The following MYOM1 variants were observed in gnomAD, a reference collection of about 807,000 sequenced individuals.
MYOM1 encodes the protein myomesin 1, also known as myomesin-1.
MYOM1 carries 164 observed loss-of-function variants against 205.3 expected under a neutral mutation model. That is an observed-to-expected ratio of 0.80 (90% CI 0.70 to 0.91). The LOEUF is 0.91. Among genes scored for constraint, MYOM1 ranks in the 40% least tolerant of loss-of-function variants. MYOM1 has a pLI of 0.00. For missense variants in MYOM1, 2,011 were observed against 2,127.3 expected (o/e 0.95, Z 1.08); for synonymous variants, 772 against 789.4 (o/e 0.98, Z 0.37).
chr18:3,135,874 G>A lies in MYOM1; in HGVS notation c.2026-144C>T. On this transcript the variant is annotated intron_variant, in intron 14 of 37. Transcript: ENST00000356443. The surrounding 1 kb of genome is among the most constrained non-coding windows in gnomAD (Gnocchi z 4.1). The stretch of plus-strand genomic sequence containing the variant: ...TGGAGGAGAGATGAGGAGGAAATAG[G>A]GGATGAGGCATCTGAAGTTCGTAGG... 3 of 887,548 alleles carry A rather than the reference G, an allele frequency of 3.4e-6. No individual in the cohort carries two copies. Among genetic ancestry groups the A allele is most frequent in the Non-Finnish European group, 5.0e-6 (3 of 594,198 alleles). The allele number at this position is 887,548 out of a possible 1,614,324, so 55.0% of individuals were successfully genotyped here.
intron 36 of MYOM1, 136 bp downstream of exon 36, chr18:3,075,318 T>C: frequency 9.0e-6 from 7 of 777,984 alleles, no homozygotes; most frequent in East Asian, 5.0e-5. Context: ...TGAAAACATA[T>C]GTAGAACACC....
At chr18:3,240,643 G>T in the MYOM1 span, among the ~76,000 whole-genome samples, 1 of 152,178 alleles carries the variant, frequency 6.6e-6, no homozygotes, top group African/African-American at 2.4e-5. Context: ...ATAGCAAATT[G>T]GTACCAGTAG....
intron 19 of MYOM1, among the ~76,000 whole-genome samples, chr18:3,123,435 T>C (rs1335060356): frequency 4.6e-5 from 7 of 152,052 alleles, no homozygotes; most frequent in Non-Finnish European, 1.0e-4. Context: ...ACAAATGATA[T>C]ACAAACCTCT....
chr18:3,140,773 G>A (rs2080036310), intron 14 of MYOM1, among the ~76,000 whole-genome samples: 1 of 151,928 alleles, frequency 6.6e-6, no homozygotes. Flanking sequence ...AAGACCTTTA[G>A]GAAAATTAAC....
At chr18:3,131,328 T>G (rs761185552) in intron 17 of MYOM1, 47 bp downstream of exon 17, 8 of 1,603,268 alleles carry the variant, frequency 5.0e-6, no homozygotes, top group Non-Finnish European at 6.8e-6. Flanking sequence ...CTTTCTAACA[T>G]AGAAAAATCC....
chr18:3,169,085 AAC>A, intron 8 of MYOM1, 104 bp from the exon 9 acceptor site: 1 of 975,790 alleles, frequency 1.0e-6, no homozygotes, highest in Non-Finnish European at 1.5e-6. Context: ...AAAAAAAATG[AAC>A]AAATGAGCAA....
intron 25 of MYOM1, among the ~76,000 whole-genome samples, chr18:3,094,547 A>C (rs1433353751): frequency 6.6e-6 from 1 of 152,190 alleles, no homozygotes; most frequent in African/African-American, 2.4e-5. Flanking sequence ...TTTGAATCAT[A>C]GTTGTCTCAA....
At chr18:3,182,560 A>T (rs1360606947) in intron 5 of MYOM1, among the ~76,000 whole-genome samples, 3 of 152,230 alleles carry the variant, frequency 2.0e-5, no homozygotes, top group African/African-American at 7.2e-5. Context: ...CAAGAACCAG[A>T]AAGAACTAAG....
the MYOM1 span, among the ~76,000 whole-genome samples, chr18:3,232,484 T>A: frequency 6.6e-6 from 1 of 152,106 alleles, no homozygotes; most frequent in African/African-American, 2.4e-5. Flanking sequence ...GAGCAATGGG[T>A]CACAGTGGAG....
chr18:3,153,094 C>T (rs2143997873), intron 11 of MYOM1, among the ~76,000 whole-genome samples: 1 of 152,282 alleles, frequency 6.6e-6, no homozygotes. Context: ...AGAGATTCTG[C>T]CAGGACTCAG....
At chr18:3,197,461 C>T (rs1204050211) in intron 2 of MYOM1, among the ~76,000 whole-genome samples, 1 of 152,118 alleles carries the variant, frequency 6.6e-6, no homozygotes, top group East Asian at 1.9e-4. Context: ...TGGGAGCATA[C>T]TACCTATATA....
the MYOM1 span, among the ~76,000 whole-genome samples, chr18:3,227,010 C>T: frequency 7.2e-5 from 11 of 152,306 alleles, no homozygotes; most frequent in East Asian, 2.1e-3. Flanking sequence ...AGCCAGAAAG[C>T]TGCCTGCACG....
intron 9 of MYOM1, among the ~76,000 whole-genome samples, 166 bp downstream of exon 9, chr18:3,168,651 C>A: frequency 6.6e-6 from 1 of 152,208 alleles, no homozygotes; most frequent in African/African-American, 2.4e-5. Context: ...ATCATCTCCA[C>A]AAATATGAAA....
At chr18:3,127,282 CAT>C (rs1241920775) in intron 18 of MYOM1, among the ~76,000 whole-genome samples, 10,006 of 59,226 alleles carry the variant, frequency 0.17, 1,431 homozygotes, top group Non-Finnish European at 0.2. Flanking sequence ...TCAGAATTTC[CAT>C]ATATATATAT....
rs1598782178 is a variant in MYOM1 at position 3,218,241 on chromosome 18, T to A, written c.-29+1562A>T. ...TTTATAAAAGCTCCACCCCCAAGTGTTTTAATGCTGTAGAATTAGTTTTAA... is the reference window on the plus strand; with the variant it reads ...TTTATAAAAGCTCCACCCCCAAGTGATTTAATGCTGTAGAATTAGTTTTAA... On this transcript the variant is annotated intron_variant, in intron 1 of 37. Coordinates refer to ENST00000356443, the MANE Select transcript of MYOM1 (RefSeq NM_003803.4). Among the ~76,000 whole-genome samples the A allele has an allele frequency of 4.6e-5, 7 of 152,342 alleles. No homozygotes were observed. In the South Asian group the frequency reaches 1.5e-3, roughly 32 times the overall value.
At chr18:3,128,252 C>G (rs2079823429) in intron 18 of MYOM1, among the ~76,000 whole-genome samples, 1 of 152,122 alleles carries the variant, frequency 6.6e-6, no homozygotes, top group Admixed American at 6.5e-5. Context: ...AATATGTGCT[C>G]TCAAATGAAT....
At chr18:3,145,034 G>A (rs1362702625) in intron 13 of MYOM1, among the ~76,000 whole-genome samples, 6 of 152,040 alleles carry the variant, frequency 3.9e-5, no homozygotes, top group African/African-American at 7.2e-5. Context: ...TTTTGGCTGG[G>A]TGTGTGGCTA....
intron 37 of MYOM1, among the ~76,000 whole-genome samples, chr18:3,070,769 T>C (rs1420310452): frequency 2.8e-5 from 4 of 143,472 alleles, no homozygotes; most frequent in East Asian, 4.1e-4. Flanking sequence ...TGTGTGTGTG[T>C]GTGTGCACGT....
At chr18:3,228,849 C>T in the MYOM1 span, among the ~76,000 whole-genome samples, 7,516 of 152,226 alleles carry the variant, frequency 0.049, 427 homozygotes, top group African/African-American at 0.14. The surrounding 1 kb of genome is among the most constrained non-coding windows in gnomAD (Gnocchi z 4.5). Context: ...TGGAATCCTA[C>T]CATATGTAGT....
Sources: allele counts gnomAD v4.1 joint callset (sites outside exome capture counted in the v4.1 genomes callset), GRCh38; gene constraint gnomAD v4.1.1; non-coding constraint Gnocchi (gnomAD v3.1); transcripts MANE v1.5; gene names NCBI Gene and HGNC (gene_info 2026-07-23, HGNC 2026-07-21).